The following AGR3 variants were observed in gnomAD, a reference collection of about 807,000 sequenced individuals.
The protein encoded by AGR3 is anterior gradient protein 3.
A neutral mutation model predicts 24.5 loss-of-function variants in AGR3; 37 were observed. The ratio of observed to expected loss-of-function variants is 1.51; its 90% confidence interval spans 1.16 to 1.99. The LOEUF (loss-of-function observed/expected upper bound fraction) is 1.99, where lower values mean the gene tolerates loss of function less well. Ranked by LOEUF, AGR3 falls within the 30% of genes most tolerant of loss-of-function variation. The pLI is 0.00. For missense variants in AGR3, 228 were observed against 191.1 expected, an observed-to-expected ratio of 1.19 and a Z score of -1.14; for synonymous variants, 75 against 61.6, an observed-to-expected ratio of 1.22 and a Z score of -1.02.
At chr7:16,854,820 C>T (rs1202825679), downstream of AGR3, among the ~76,000 whole-genome samples, 1 of 152,098 alleles carries the variant, frequency 6.6e-6, no homozygotes. Context: ...TTGCTGACAA[C>T]CTTGAGCATT....
At chr7:16,860,670 G>A in intron 6 of AGR3, 87 bp from the exon 7 acceptor site, 1 of 915,688 alleles carries the variant, frequency 1.1e-6, no homozygotes, top group Admixed American at 2.1e-5. Flanking sequence ...TATTTTATAT[G>A]TGGGGGTTAT....
intron 2 of AGR3, among the ~76,000 whole-genome samples, chr7:16,876,187 T>C (rs1781983563): frequency 6.6e-6 from 1 of 152,206 alleles, no homozygotes; most frequent in Non-Finnish European, 1.5e-5. Flanking sequence ...TTTTATTTAC[T>C]CTGTTATAAT....
At chr7:16,876,797 TC>T (rs1157920698) in intron 2 of AGR3, among the ~76,000 whole-genome samples, 1 of 152,236 alleles carries the variant, frequency 6.6e-6, no homozygotes, top group African/African-American at 2.4e-5. Flanking sequence ...ATATATTTTT[TC>T]AAAACATTCA....
chr7:16,869,386 T>C (rs1781821940), intron 3 of AGR3, among the ~76,000 whole-genome samples: 1 of 152,182 alleles, frequency 6.6e-6, no homozygotes, highest in Admixed American at 6.6e-5. Context: ...TCCATTTATA[T>C]AGTATATATT....
chr7:16,871,829 A>G (rs140713118), intron 3 of AGR3, among the ~76,000 whole-genome samples: 1 of 152,120 alleles, frequency 6.6e-6, no homozygotes, highest in Non-Finnish European at 1.5e-5. Flanking sequence ...TGACAGAGCA[A>G]GACTCCATCT....
chr7:16,863,371 C>T (rs922322407), intron 3 of AGR3, among the ~76,000 whole-genome samples: 2 of 152,088 alleles, frequency 1.3e-5, no homozygotes, highest in African/African-American at 4.8e-5. Flanking sequence ...TTTTCACATC[C>T]TTTCATTCTT....
chr7:16,855,180 A>C (rs982765278), downstream of AGR3, among the ~76,000 whole-genome samples: 1 of 152,170 alleles, frequency 6.6e-6, no homozygotes, highest in African/African-American at 2.4e-5. Context: ...GTTGGTTACT[A>C]TAGTCATCCT....
At chr7:16,855,477 G>A (rs1310801734), downstream of AGR3, among the ~76,000 whole-genome samples, 3 of 152,142 alleles carry the variant, frequency 2.0e-5, no homozygotes, top group African/African-American at 4.8e-5. Context: ...GGGGAGCCAA[G>A]TGTTTAATGG....
intron 3 of AGR3, chr7:16,865,375 C>T (rs533594802): frequency 1.2e-4 from 138 of 1,131,150 alleles, no homozygotes; most frequent in Non-Finnish European, 1.7e-4. Context: ...GTAATTTTTC[C>T]TCCATTCTTG....
At chr7:16,866,031 T>G in intron 3 of AGR3, 2 of 647,486 alleles carry the variant, frequency 3.1e-6, no homozygotes, top group Non-Finnish European at 5.7e-6. Flanking sequence ...TTTATATTTA[T>G]CTACCCATGG....
intron 7 of AGR3, 108 bp downstream of exon 7, chr7:16,860,392 G>T: frequency 1.2e-6 from 1 of 835,990 alleles, no homozygotes. Flanking sequence ...ACCACCACTA[G>T]CCTCAGTGAC....
downstream of AGR3, among the ~76,000 whole-genome samples, chr7:16,854,848 C>A (rs77209580): frequency 6.6e-6 from 1 of 152,142 alleles, no homozygotes; most frequent in Admixed American, 6.5e-5. Context: ...TTCTGCTGCA[C>A]GATCACACTC....
At position 16,860,571 on chromosome 7, in the gene AGR3, G is replaced by T; in HGVS notation, c.380C>A (p.Thr127Lys). ...PRIMFVDPSL[T>K]VRADIAGRYS... ...TCTTCCAGCTATGTCAGCTCTAACT[G>T]TTAAAGAAGGGTCTGTCAAGGAAAA... Residue 127 changes from threonine to lysine, a missense_variant, in exon 7 of 8, where the codon ACA becomes AAA. By Grantham distance (78) the Thr-to-Lys change is moderately conservative. Transcript: ENST00000310398. 1 of 1,612,406 alleles carries T rather than the reference G, an allele frequency of 6.2e-7. No homozygotes were observed. The highest frequency in any genetic ancestry group is 8.5e-7 in the Non-Finnish European group (1 of 1,179,088).
intron 3 of AGR3, chr7:16,864,849 G>A (rs1020227780): frequency 1.0e-5 from 9 of 867,280 alleles, no homozygotes; most frequent in Non-Finnish European, 1.2e-5. Context: ...TGAGTAAAGA[G>A]CGTGTATTCC....
chr7:16,878,116 A>AT (rs34203592), intron 2 of AGR3, among the ~76,000 whole-genome samples: 32,070 of 146,186 alleles, frequency 0.22, 3,504 homozygotes, highest in Middle Eastern at 0.28. Flanking sequence ...AATTATTCCA[A>AT]TTTTTTTTTT....
At position 16,859,459 on chromosome 7, in the gene AGR3, A is replaced by C; in HGVS notation, c.*123T>G. ...TTAATAAGACTATTGCAAACACATT[A>C]AAAAAACTAAATAGTAATATTACAA... On this transcript the variant is annotated 3_prime_UTR_variant, in exon 8 of 8. Coordinates refer to ENST00000310398, the MANE Select transcript of AGR3 (RefSeq NM_176813.5). 1 of 665,392 alleles carries C rather than the reference A, an allele frequency of 1.5e-6. No homozygotes were observed. The highest frequency in any genetic ancestry group is 2.5e-6 in the Non-Finnish European group (1 of 394,390). The allele number at this position is 665,392 out of a possible 1,614,324, so 41.2% of individuals were successfully genotyped here.
intron 3 of AGR3, among the ~76,000 whole-genome samples, chr7:16,863,240 G>A (rs1170216091): frequency 2.0e-5 from 3 of 152,168 alleles, no homozygotes; most frequent in Admixed American, 2.0e-4. Flanking sequence ...GAGATAAAGG[G>A]TTATTATGAA....
At chr7:16,860,665 T>C in intron 6 of AGR3, 82 bp from the exon 7 acceptor site, 3 of 944,510 alleles carry the variant, frequency 3.2e-6, no homozygotes, top group Non-Finnish European at 4.9e-6. Flanking sequence ...ATTATTATTT[T>C]ATATGTGGGG....
intron 3 of AGR3, among the ~76,000 whole-genome samples, chr7:16,868,405 T>G (rs1161192677): frequency 6.6e-6 from 1 of 152,236 alleles, no homozygotes; most frequent in African/African-American, 2.4e-5. Flanking sequence ...TCTGCCCACC[T>G]TGGCCTCCCA....
Sources: allele counts gnomAD v4.1 joint callset (sites outside exome capture counted in the v4.1 genomes callset), GRCh38; gene constraint gnomAD v4.1.1; transcripts MANE v1.5; gene names NCBI Gene and HGNC (gene_info 2026-07-23, HGNC 2026-07-21).